The following REV3L variants were observed in gnomAD, a reference collection of about 807,000 sequenced individuals.
REV3L encodes DNA polymerase zeta catalytic subunit.
In REV3L, 69 loss-of-function variants were observed where a neutral mutation model predicts 299.4. The observed-to-expected ratio is 0.23, with a 90% CI of 0.19 to 0.28. The LOEUF (loss-of-function observed/expected upper bound fraction) is 0.28, where lower values mean the gene tolerates loss of function less well. Among genes scored for constraint, REV3L ranks in the 10% least tolerant of loss-of-function variants. REV3L has a pLI of 1.00. For synonymous variants in REV3L, 1,238 were observed against 1,271.4 expected, an observed-to-expected ratio of 0.97 and a Z score of 0.56; for missense variants, 3,128 against 3,693.8, an observed-to-expected ratio of 0.85 and a Z score of 3.97.
At chr6:111,377,586 C>A in intron 12 of REV3L, 115 bp downstream of exon 12, 1 of 1,038,444 alleles carries the variant, frequency 9.6e-7, no homozygotes. Context: ...ATCCTCTCAC[C>A]TTGGACTCCC....
At position 111,376,268 on chromosome 6, in the gene REV3L, T is replaced by A. The variant is rs201233180; in HGVS notation, c.2087A>T (p.His696Leu). The A allele has an allele frequency of 8.3e-4, 1,342 of 1,613,776 alleles. 21 individuals carry two copies. In the South Asian group the frequency reaches 0.014, roughly 17 times the overall value. ...TTTGCCCAATGTATTCTCGTTAGGG[T>A]GACGGTGCATATGTATAAAAGGGGA... Reference protein sequence around the residue: ...KDSPFIHMHRHPNENTLGKNS... With the variant: ...KDSPFIHMHRLPNENTLGKNS... Residue 696 changes from histidine (H) to leucine (L), a missense_variant, in exon 13 of 32, where the codon CAC becomes CTC. His to Leu is a moderately conservative substitution (Grantham distance 99). Around this residue, in one of 9 missense-constraint regions of REV3L, gnomAD observed 2,409 missense variants for 2,611.8 expected, o/e 0.92. Coordinates refer to ENST00000368802, the MANE Select transcript of REV3L (RefSeq NM_001372078.1).
intron 1 of REV3L, among the ~76,000 whole-genome samples, chr6:111,459,714 G>A (rs918901601): frequency 6.6e-6 from 1 of 151,894 alleles, no homozygotes; most frequent in Non-Finnish European, 1.5e-5. Context: ...AATCACAATT[G>A]AAATACCATC....
At chr6:111,422,326 G>C (rs1455962869) in intron 1 of REV3L, among the ~76,000 whole-genome samples, 3 of 151,826 alleles carry the variant, frequency 2.0e-5, no homozygotes, top group Non-Finnish European at 2.9e-5. Context: ...TTATGCTATA[G>C]ACAGAGTTGA....
At chr6:111,465,799 T>C (rs1056902498) in intron 1 of REV3L, among the ~76,000 whole-genome samples, 1 of 127,544 alleles carries the variant, frequency 7.8e-6, no homozygotes, top group Admixed American at 7.7e-5. Context: ...GGTTTAAAAC[T>C]GAACTGACAT....
chr6:111,466,797 G>A (rs956106909), intron 1 of REV3L, among the ~76,000 whole-genome samples: 2 of 152,102 alleles, frequency 1.3e-5, no homozygotes, highest in African/African-American at 2.4e-5. Context: ...AGCCGAGATC[G>A]CACCACAGCA....
In REV3L at chr6:111,309,850, T is replaced by C. The variant is rs907806899; in HGVS notation, c.9042+3A>G. 4 of 1,613,220 alleles carry C rather than the reference T, an allele frequency of 2.5e-6. No homozygotes were observed. Among genetic ancestry groups the C allele is most frequent in the Non-Finnish European group, 3.4e-6 (4 of 1,179,500 alleles). ...GAGCACATGTACTATTTGGTAAGCTTACCCTTGGTAATTCATGATACCAGC... is the reference window on the plus strand; with the variant it reads ...GAGCACATGTACTATTTGGTAAGCTCACCCTTGGTAATTCATGATACCAGC... On this transcript the variant is annotated splice_donor_region_variant and intron_variant, in intron 30 of 31. Transcript: ENST00000368802.
chr6:111,303,171 T>C (rs1166044863), intron 31 of REV3L, among the ~76,000 whole-genome samples: 31 of 135,248 alleles, frequency 2.3e-4, no homozygotes, highest in Non-Finnish European at 3.9e-4. Context: ...CTTTCTTTTT[T>C]TTTTTTTTTT....
intron 1 of REV3L, among the ~76,000 whole-genome samples, chr6:111,465,417 A>G (rs1051584290): frequency 3.3e-5 from 5 of 151,682 alleles, no homozygotes; most frequent in Admixed American, 6.6e-5. Context: ...AAGAGTGAAA[A>G]ACAAAATCAA....
At chr6:111,473,762 T>C (rs1283955704) in intron 1 of REV3L, among the ~76,000 whole-genome samples, 1 of 152,044 alleles carries the variant, frequency 6.6e-6, no homozygotes. Flanking sequence ...TCCTCCAATA[T>C]TCCCTCATGT....
At chr6:111,363,740 G>A (rs1188070665) in intron 16 of REV3L, 113 bp downstream of exon 16, 10 of 943,502 alleles carry the variant, frequency 1.1e-5, no homozygotes, top group Non-Finnish European at 1.5e-5. Context: ...AAGATTAATA[G>A]GATAGAATTC....
intron 1 of REV3L, among the ~76,000 whole-genome samples, chr6:111,451,540 T>A (rs2128316981): frequency 6.6e-6 from 1 of 152,096 alleles, no homozygotes; most frequent in African/African-American, 2.4e-5. Context: ...AACCAGGAGG[T>A]CAGAAATTAA....
chr6:111,443,380 T>C (rs1442970219), intron 1 of REV3L, among the ~76,000 whole-genome samples: 1 of 152,132 alleles, frequency 6.6e-6, no homozygotes, highest in Admixed American at 6.5e-5. Flanking sequence ...ACTCCTGACA[T>C]TGTGATCCAC....
intron 28 of REV3L, chr6:111,313,107 G>A (rs1446088387): frequency 6.3e-6 from 2 of 317,694 alleles, no homozygotes; most frequent in Non-Finnish European, 1.1e-5. Flanking sequence ...AGGCTGCAGT[G>A]AGCCAGGATT....
intron 1 of REV3L, chr6:111,430,269 T>C (rs894598946): frequency 1.0e-6 from 1 of 970,038 alleles, no homozygotes; most frequent in Non-Finnish European, 1.7e-6. Context: ...GCGAGACAAT[T>C]GCAGAGAAAA....
intron 31 of REV3L, 62 bp downstream of exon 31, chr6:111,307,299 G>A (rs781775764): frequency 2.2e-6 from 3 of 1,386,178 alleles, no homozygotes; most frequent in Non-Finnish European, 3.1e-6. Context: ...ATTCAAGAGT[G>A]ACTATATCTT....
At chr6:111,333,078 G>T (rs369484547) in intron 23 of REV3L, 45 bp downstream of exon 23, 13 of 1,600,300 alleles carry the variant, frequency 8.1e-6, no homozygotes, top group Non-Finnish European at 1.0e-5. Context: ...TTAGTAAGAA[G>T]TACAAAGCAC....
At chr6:111,384,742 G>T (rs984974088) in intron 9 of REV3L, among the ~76,000 whole-genome samples, 1 of 152,060 alleles carries the variant, frequency 6.6e-6, no homozygotes, top group Admixed American at 6.6e-5. Context: ...CTCTCTACTC[G>T]GTATTTATCC....
Position 111,357,047 on chromosome 6 carries a change from G to T in REV3L, c.7151C>A (p.Ala2384Glu). The T allele has an allele frequency of 6.3e-7, 1 of 1,599,240 alleles. No homozygotes were observed. Among genetic ancestry groups the T allele is most frequent in the Non-Finnish European group, 8.5e-7 (1 of 1,171,030 alleles). Residue 2384 changes from alanine (A) to glutamate (E), a missense_variant, in exon 18 of 32, where the codon GCA becomes GAA. Physicochemically the swap from Ala to Glu is moderately radical, Grantham distance 107. This residue lies in a region of REV3L where 82 missense variants were observed against 142.7 expected (regional missense o/e 0.57). Coordinates refer to ENST00000368802, the MANE Select transcript of REV3L (RefSeq NM_001372078.1). ...LEVTYAADEKALFHEIANIIK... is the reference protein window; with the variant it reads ...LEVTYAADEKELFHEIANIIK... ...TATATTTGCAATTTCATGAAAAAGT[G>T]CCTTCTCATCAGCAGCATAGGTGAC...
At chr6:111,456,288 C>G (rs980290292) in intron 1 of REV3L, among the ~76,000 whole-genome samples, 3 of 152,064 alleles carry the variant, frequency 2.0e-5, no homozygotes, top group African/African-American at 4.8e-5. Flanking sequence ...AAAGAGTTAA[C>G]AGTTGTCAAC....
Sources: allele counts gnomAD v4.1 joint callset (sites outside exome capture counted in the v4.1 genomes callset), GRCh38; gene constraint gnomAD v4.1.1; regional missense constraint gnomAD v4.1.1; transcripts MANE v1.5; gene names NCBI Gene and HGNC (gene_info 2026-07-23, HGNC 2026-07-21).